ATP2A2: variants seen among roughly 807,000 people sequenced by gnomAD.
The protein encoded by ATP2A2 is sarcoplasmic/endoplasmic reticulum calcium ATPase 2.
A neutral mutation model predicts 109.3 loss-of-function variants in ATP2A2; 14 were observed. The ratio of observed to expected loss-of-function variants is 0.13; its 90% CI spans 0.08 to 0.20. The LOEUF is 0.20. Among genes scored for constraint, ATP2A2 ranks in the 10% least tolerant of loss-of-function variants. ATP2A2 has a pLI of 1.00. For synonymous variants in ATP2A2, 506 were observed against 490.9 expected, an observed-to-expected ratio of 1.03 and a Z score of -0.41; for missense variants, 657 against 1,321.6, an observed-to-expected ratio of 0.50 and a Z score of 7.80.
Position 110,347,386 on chromosome 12 carries a change from T to C in ATP2A2, c.*916T>C. 1 of 1,289,156 alleles carries C rather than the reference T, an allele frequency of 7.8e-7. No homozygotes were observed. Among genetic ancestry groups the C allele is most frequent in the Non-Finnish European group, 1.0e-6 (1 of 988,682 alleles). 79.9% of individuals were successfully genotyped at this position (1,289,156 alleles called of 1,614,324 possible). A position where few individuals can be genotyped will look rare whatever the true frequency, so the allele number is the denominator to read the frequency against. On this transcript the variant is annotated 3_prime_UTR_variant, in exon 20 of 20. Transcript: ENST00000539276. ...GGACTAACAGACATGTCCAACTTTC[T>C]CTCCAGTTCTTAGCTCAGAACTTTA...
intron 4 of ATP2A2, among the ~76,000 whole-genome samples, chr12:110,293,871 T>TATATATATATATATA (rs1491495436): frequency 5.0e-5 from 4 of 79,516 alleles, no homozygotes; most frequent in Non-Finnish European, 7.5e-5. Flanking sequence ...TGTGTATATA[T>TATATATATATATATA]TTTTTTTTTT....
intron 5 of ATP2A2, among the ~76,000 whole-genome samples, chr12:110,319,262 C>T (rs1877005491): frequency 6.7e-6 from 1 of 149,548 alleles, no homozygotes; most frequent in African/African-American, 2.4e-5. Flanking sequence ...TTCCTAGACC[C>T]CACTCCAAAT....
In ATP2A2 at chr12:110,340,230, T is replaced by G. The variant is rs1196737934; in HGVS notation, c.1762-429T>G. On this transcript the variant is annotated intron_variant, in intron 13 of 19. Coordinates refer to ENST00000539276, the MANE Select transcript of ATP2A2 (RefSeq NM_170665.4). This position sits in a 1 kb window ranked among gnomAD's most constrained non-coding sequence, Gnocchi z 6.0. ...TGATAACGGGTGTAGTGGTATTTTT[T>G]TTTCTCATAAGAAAATGCAAAAACC... Among the ~76,000 whole-genome samples the G allele has an allele frequency of 6.6e-6, 1 of 152,142 alleles. No homozygotes were observed. Among genetic ancestry groups the G allele is most frequent in the Non-Finnish European group, 1.5e-5 (1 of 68,038 alleles).
At chr12:110,325,229 AT>A (rs1566227707) in intron 6 of ATP2A2, among the ~76,000 whole-genome samples, 31 of 152,146 alleles carry the variant, frequency 2.0e-4, no homozygotes, top group Non-Finnish European at 2.9e-5. Flanking sequence ...TGTGGAACCA[AT>A]TTTTTTGGTC....
intron 5 of ATP2A2, among the ~76,000 whole-genome samples, chr12:110,306,877 C>G (rs145290379): frequency 6.6e-6 from 1 of 152,080 alleles, no homozygotes; most frequent in Non-Finnish European, 1.5e-5. Context: ...ATCCTCCCAC[C>G]TCAGCCTCCT....
intron 14 of ATP2A2, among the ~76,000 whole-genome samples, chr12:110,341,579 A>G (rs1879356002): frequency 6.6e-6 from 1 of 152,178 alleles, no homozygotes; most frequent in African/African-American, 2.4e-5. Flanking sequence ...ATGCTTTTGA[A>G]GGCATATTTT....
rs764970115 is a variant in ATP2A2, at chr12:110,340,644, A to T, written c.1762-15A>T. The stretch of plus-strand genomic sequence containing the variant: ...GAACTTGCCACTTTTATTTAAAGTG[A>T]TGCTCTTATTTTAGACCAATCTGAC... On this transcript the variant is annotated splice_polypyrimidine_tract_variant and intron_variant, in intron 13 of 19. Coordinates refer to ENST00000539276, the MANE Select transcript of ATP2A2 (RefSeq NM_170665.4). This position sits in a 1 kb window ranked among gnomAD's most constrained non-coding sequence, Gnocchi z 6.0. 15 of 1,613,872 alleles carry T rather than the reference A, an allele frequency of 9.3e-6. No homozygotes were observed. In the East Asian group the frequency reaches 3.1e-4, roughly 34 times the overall value.
chr12:110,317,625 G>T (rs1041999270), intron 5 of ATP2A2, among the ~76,000 whole-genome samples: 1 of 152,124 alleles, frequency 6.6e-6, no homozygotes, highest in Non-Finnish European at 1.5e-5. Flanking sequence ...TGCTTCGTCC[G>T]CCTTGGCCTC....
In ATP2A2 at chr12:110,347,487, C is replaced by G; in HGVS notation, c.*1017C>G. 3.1e-6 allele frequency: 4 copies of G among 1,289,048 alleles called. No homozygotes were observed. The highest frequency in any genetic ancestry group is 4.0e-6 in the Non-Finnish European group (4 of 988,666). The allele number at this position is 1,289,048 out of a possible 1,614,324, so 79.9% of individuals were successfully genotyped here. On this transcript the variant is annotated 3_prime_UTR_variant, in exon 20 of 20. Coordinates refer to ENST00000539276, the MANE Select transcript of ATP2A2 (RefSeq NM_170665.4). ...TCATAGGAATTGTATTCTTAATGTA[C>G]AGGCACTAATTGTCATCTGTGATGT...
At chr12:110,292,249 A>T in intron 4 of ATP2A2, 125 bp downstream of exon 4, 1 of 774,196 alleles carries the variant, frequency 1.3e-6, no homozygotes, top group Non-Finnish European at 2.2e-6. Context: ...GGAAGTTTAC[A>T]TGTATTTTCC....
rs1030985608 is a variant in ATP2A2 at position 110,281,610 on chromosome 12, C to T, written c.-180C>T. On this transcript the variant is annotated 5_prime_UTR_variant, in exon 1 of 20. Coordinates refer to ENST00000539276, the MANE Select transcript of ATP2A2 (RefSeq NM_170665.4). ...TCGGGGCCGCGCGAGGGGCGGTTGT[C>T]TGGGGGAGGGGGCGCGGGGTGATTC... is the stretch of plus-strand genomic sequence containing the variant. The T allele has an allele frequency of 7.7e-5, 29 of 378,488 alleles. No homozygotes were observed. The highest frequency in any genetic ancestry group is 5.6e-4 in the African/African-American group (26 of 46,304). 23.4% of individuals were successfully genotyped at this position (378,488 alleles called of 1,614,324 possible).
chr12:110,281,133 CG>C (rs1011941274), upstream of ATP2A2: 2 of 149,546 alleles, frequency 1.3e-5, no homozygotes, highest in African/African-American at 4.9e-5. Context: ...AGGAGGGAGC[CG>C]GGAGGAGGGG....
At chr12:110,345,178 T>G (rs1879724896) in intron 17 of ATP2A2, 71 bp from the exon 18 acceptor site, 1 of 1,609,992 alleles carries the variant, frequency 6.2e-7, no homozygotes, top group African/African-American at 1.3e-5. Flanking sequence ...GTGCTAGGCT[T>G]GGTATGGGGT....
chr12:110,287,868 A>G (rs1379053372), intron 3 of ATP2A2, among the ~76,000 whole-genome samples: 5 of 152,062 alleles, frequency 3.3e-5, no homozygotes, highest in South Asian at 2.1e-4. Flanking sequence ...CGCCTGCCTC[A>G]GCTTCCCAAA....
chr12:110,285,988 A>G (rs1292908157), intron 3 of ATP2A2, among the ~76,000 whole-genome samples: 1 of 149,884 alleles, frequency 6.7e-6, no homozygotes, highest in African/African-American at 2.5e-5. Flanking sequence ...CAGTGGTGCA[A>G]TCTCGGCTCA....
At chr12:110,283,443 G>C (rs1405212069) in intron 3 of ATP2A2, among the ~76,000 whole-genome samples, 2 of 152,216 alleles carry the variant, frequency 1.3e-5, no homozygotes, top group Non-Finnish European at 2.9e-5. Flanking sequence ...TGTTCTGTGT[G>C]TGCTTACCCA....
At chr12:110,335,871 T>C (rs1429156164) in intron 11 of ATP2A2, among the ~76,000 whole-genome samples, 1 of 152,228 alleles carries the variant, frequency 6.6e-6, no homozygotes, top group Non-Finnish European at 1.5e-5. Flanking sequence ...GGAAACATCA[T>C]TCCTGAGCTG....
chr12:110,288,851 G>GCAGTATAAAACGCA (rs1283508955), intron 3 of ATP2A2, among the ~76,000 whole-genome samples: 2 of 152,030 alleles, frequency 1.3e-5, no homozygotes, highest in African/African-American at 4.8e-5. Context: ...CTGCAGTAAG[G>GCAGTATAAAACGCA]GATCTTGCGT....
At chr12:110,307,091 A>G (rs943252319) in intron 5 of ATP2A2, among the ~76,000 whole-genome samples, 2 of 152,186 alleles carry the variant, frequency 1.3e-5, no homozygotes, top group East Asian at 3.9e-4. Flanking sequence ...TATACCCAGT[A>G]ATGGGATCGC....
Sources: gnomAD v4.1 joint callset for allele counts (sites outside exome capture counted in the v4.1 genomes callset) on GRCh38, gnomAD v4.1.1 for gene constraint, Gnocchi (gnomAD v3.1) non-coding constraint, MANE v1.5 for transcripts, NCBI Gene and HGNC (gene_info 2026-07-23, HGNC 2026-07-21) for gene names.